TNFRSF10C: variants seen among roughly 807,000 people sequenced by gnomAD.
TNFRSF10C encodes tumor necrosis factor receptor superfamily member 10C.
Under a neutral mutation model 16.7 loss-of-function variants are expected in TNFRSF10C, and 17 were observed. That is an observed-to-expected ratio of 1.02 (90% CI 0.70 to 1.53). The LOEUF is 1.53. Ranked by LOEUF, TNFRSF10C falls within the 40% of genes most tolerant of loss-of-function variation. TNFRSF10C has a pLI of 0.00. For missense variants in TNFRSF10C, 237 were observed against 329.7 expected (o/e 0.72, Z 2.18); for synonymous variants, 73 against 119.7 (o/e 0.61, Z 2.55).
intron 2 of TNFRSF10C, among the ~76,000 whole-genome samples, chr8:23,113,231 C>T (rs553676578): frequency 6.6e-6 from 1 of 151,940 alleles, no homozygotes; most frequent in African/African-American, 2.4e-5. Context: ...TGAATATTGA[C>T]CCTCATTCTG....
At chr8:23,111,504 C>A (rs534910916) in intron 1 of TNFRSF10C, among the ~76,000 whole-genome samples, 4 of 133,404 alleles carry the variant, frequency 3.0e-5, no homozygotes, top group Admixed American at 8.3e-5. Context: ...CTTGAGCCAT[C>A]GCGCTTGCCT....
At chr8:23,113,927 G>A (rs1813927789) in intron 2 of TNFRSF10C, among the ~76,000 whole-genome samples, 1 of 150,366 alleles carries the variant, frequency 6.7e-6, no homozygotes, top group Non-Finnish European at 1.5e-5. Flanking sequence ...CTGCACTCCA[G>A]CCAGGTGACA....
rs1229266274 is a variant in TNFRSF10C, at chr8:23,106,014, G to C, written c.60+2833G>C. The stretch of plus-strand genomic sequence containing the variant: ...AGAGTTCACAGGGCTCTTGGAGCCT[G>C]TCCTTCGGCCTTGAGCTGAGGCCAC... On this transcript the variant is annotated intron_variant, in intron 1 of 4. Coordinates refer to ENST00000356864, the MANE Select transcript of TNFRSF10C (RefSeq NM_003841.5). 2.6e-5 allele frequency among the ~76,000 whole-genome samples: 4 copies of C among 152,202 alleles called. No individual in the cohort carries two copies. In the East Asian group the frequency reaches 7.7e-4, roughly 29 times the overall value.
intron 2 of TNFRSF10C, among the ~76,000 whole-genome samples, chr8:23,113,381 A>T (rs528224937): frequency 3.3e-4 from 51 of 152,368 alleles, no homozygotes; most frequent in African/African-American, 1.1e-3. Flanking sequence ...CCAGACCAAC[A>T]TCATGAAAAT....
chr8:23,110,069 C>CAAAAAAAAA (rs56263402), intron 1 of TNFRSF10C, among the ~76,000 whole-genome samples: 522 of 39,588 alleles, frequency 0.013, 86 homozygotes, highest in East Asian at 0.047. Context: ...ACCCTGTCTC[C>CAAAAAAAAA]AAAAAAAAAA....
At chr8:23,103,451 G>A (rs769270793) in intron 1 of TNFRSF10C, 31 of 607,104 alleles carry the variant, frequency 5.1e-5, no homozygotes, top group Non-Finnish European at 8.4e-5. Context: ...GAGGGAGGGA[G>A]TCAAGGTGGA....
intron 1 of TNFRSF10C, among the ~76,000 whole-genome samples, chr8:23,111,497 G>A (rs546020992): frequency 6.8e-6 from 1 of 146,990 alleles, no homozygotes; most frequent in Non-Finnish European, 1.5e-5. Context: ...TTACAAGCTT[G>A]AGCCATCGCG....
intron 1 of TNFRSF10C, among the ~76,000 whole-genome samples, chr8:23,106,961 C>T (rs1455658951): frequency 1.3e-5 from 2 of 151,862 alleles, no homozygotes; most frequent in South Asian, 2.1e-4. Context: ...TCCTATGTTT[C>T]CCTGGGGACT....
At position 23,103,192 on chromosome 8, in the gene TNFRSF10C, G is replaced by A; in HGVS notation, c.60+11G>A. The A allele has an allele frequency of 6.2e-7, 1 of 1,606,584 alleles. No individual in the cohort carries two copies. Among genetic ancestry groups the A allele is most frequent in the Non-Finnish European group, 8.5e-7 (1 of 1,177,060 alleles). ...GCGGTCCTGCTGCCAGTGAGTCCCG[G>A]CCGCGGTCCCTGGCTGGGGAAGAGC... On this transcript the variant is annotated intron_variant, in intron 1 of 4. Coordinates refer to ENST00000356864, the MANE Select transcript of TNFRSF10C (RefSeq NM_003841.5).
chr8:23,114,651 T>C lies in TNFRSF10C; in HGVS notation c.167-6T>C. 1.9e-6 allele frequency: 3 copies of C among 1,611,232 alleles called. No homozygotes were observed. The highest frequency in any genetic ancestry group is 2.5e-6 in the Non-Finnish European group (3 of 1,177,474). ...CTCATTCATTGGCTTTTCTCTTCCT[T>C]CCCAGGATCTCATAGATCAGAACAT... is the stretch of plus-strand genomic sequence containing the variant. On this transcript the variant is annotated splice_region_variant and splice_polypyrimidine_tract_variant and intron_variant, in intron 2 of 4. Coordinates refer to ENST00000356864, the MANE Select transcript of TNFRSF10C (RefSeq NM_003841.5).
chr8:23,105,497 C>T (rs951423256), intron 1 of TNFRSF10C, among the ~76,000 whole-genome samples: 30 of 151,954 alleles, frequency 2.0e-4, no homozygotes, highest in African/African-American at 6.5e-4. Flanking sequence ...AGGAGCCAGA[C>T]GTCAAGTGAG....
intron 2 of TNFRSF10C, among the ~76,000 whole-genome samples, chr8:23,112,217 C>A (rs976354595): frequency 2.6e-5 from 4 of 151,708 alleles, no homozygotes; most frequent in African/African-American, 4.9e-5. Flanking sequence ...ATGTCTATTG[C>A]ATTAGGTATT....
chr8:23,104,786 G>A (rs1475247589), intron 1 of TNFRSF10C, among the ~76,000 whole-genome samples: 1 of 152,162 alleles, frequency 6.6e-6, no homozygotes, highest in Non-Finnish European at 1.5e-5. Flanking sequence ...CATGGTATTA[G>A]GAATTTTCAA....
intron 1 of TNFRSF10C, among the ~76,000 whole-genome samples, chr8:23,111,163 A>G (rs1474368260): frequency 6.6e-6 from 1 of 151,960 alleles, no homozygotes; most frequent in Non-Finnish European, 1.5e-5. Context: ...GGGTAAATTT[A>G]TGTTATAATA....
intron 1 of TNFRSF10C, among the ~76,000 whole-genome samples, chr8:23,106,270 G>A (rs1318044302): frequency 1.3e-5 from 2 of 152,084 alleles, no homozygotes; most frequent in East Asian, 3.9e-4. Context: ...CACTACCCTT[G>A]CCTCCCCCTC....
Position 23,117,391 on chromosome 8 carries a change from G to A in TNFRSF10C, c.*360G>A. ...CTCCTCAACTGGGTGACAAGGGTGA[G>A]GATGAGAAGTGGTCACGGGATTTAT... On this transcript the variant is annotated 3_prime_UTR_variant, in exon 5 of 5. Transcript: ENST00000356864. The A allele has an allele frequency of 8.0e-6, 3 of 375,514 alleles. No homozygotes were observed. Among genetic ancestry groups the A allele is most frequent in the Non-Finnish European group, 1.5e-5 (3 of 206,058 alleles). The allele number at this position is 375,514 out of a possible 1,614,324, so 23.3% of individuals were successfully genotyped here. A position where few individuals can be genotyped will look rare whatever the true frequency, so the allele number is the denominator to read the frequency against.
At chr8:23,106,037 C>T (rs1047643262) in intron 1 of TNFRSF10C, among the ~76,000 whole-genome samples, 1 of 152,148 alleles carries the variant, frequency 6.6e-6, no homozygotes, top group African/African-American at 2.4e-5. Flanking sequence ...GAGCTGAGGC[C>T]ACAACTGCGC....
At chr8:23,110,673 T>G (rs974218346) in intron 1 of TNFRSF10C, among the ~76,000 whole-genome samples, 7 of 152,218 alleles carry the variant, frequency 4.6e-5, no homozygotes, top group African/African-American at 1.7e-4. Context: ...TCTTTGATAT[T>G]TAGTGGGAGC....
Position 23,114,763 on chromosome 8 carries a change from TA to T in TNFRSF10C, c.276del (p.Lys92AsnfsTer12). ...EPSCFPCTVC[K>X]SDQKHKSSCT... ...CTTCTTGCTTCCCATGTACAGTTTG[TA>T]AATCAGGTACAGAATGTGTGGACCT... On this transcript the variant is annotated frameshift_variant, in exon 3 of 5. Coordinates refer to ENST00000356864, the MANE Select transcript of TNFRSF10C (RefSeq NM_003841.5). LOFTEE classifies it high-confidence loss of function. 1 of 1,613,566 alleles carries T rather than the reference TA, an allele frequency of 6.2e-7. No homozygotes were observed.
Sources: allele counts gnomAD v4.1 joint callset (sites outside exome capture counted in the v4.1 genomes callset), GRCh38; gene constraint gnomAD v4.1.1; transcripts MANE v1.5; gene names NCBI Gene and HGNC (gene_info 2026-07-23, HGNC 2026-07-21).